The following R3HDM2 variants were observed in gnomAD, a reference collection of about 807,000 sequenced individuals.
The protein encoded by R3HDM2 is R3H domain containing 2.
Under a neutral mutation model 124.5 loss-of-function variants are expected in R3HDM2, and 38 were observed. That is an observed-to-expected ratio of 0.31 (90% CI 0.24 to 0.40). R3HDM2 has a LOEUF of 0.40. Ranked by LOEUF, R3HDM2 falls within the 10% of genes least tolerant of loss-of-function variation. The pLI, the probability that R3HDM2 is intolerant of heterozygous loss-of-function variation, is 1.00. For missense variants in R3HDM2, 869 were observed against 1,236.9 expected, an observed-to-expected ratio of 0.70 and a Z score of 4.46; for synonymous variants, 391 against 448.0, an observed-to-expected ratio of 0.87 and a Z score of 1.61.
chr12:57,259,783 A>G (rs1362554628), intron 19 of R3HDM2, among the ~76,000 whole-genome samples: 1 of 152,202 alleles, frequency 6.6e-6, no homozygotes, highest in Non-Finnish European at 1.5e-5. Context: ...GCCCTGATAG[A>G]ATGGACAGTC....
intron 2 of R3HDM2, among the ~76,000 whole-genome samples, chr12:57,345,799 TC>T (rs1368836434): frequency 6.6e-6 from 1 of 152,122 alleles, no homozygotes; most frequent in African/African-American, 2.4e-5. Context: ...CACTTCAGCC[TC>T]CCAAGTAACT....
intron 12 of R3HDM2, among the ~76,000 whole-genome samples, chr12:57,286,609 C>T (rs542114172): frequency 5.9e-5 from 9 of 152,222 alleles, no homozygotes; most frequent in East Asian, 1.9e-4. Context: ...GGGCCAGGCG[C>T]GGTGGCTCAC....
chr12:57,310,607 G>T lies in R3HDM2; in HGVS notation c.-35-144C>A, dbSNP rs1232081702. 18 of 375,630 alleles carry T rather than the reference G, an allele frequency of 4.8e-5. No homozygotes were observed. In the Admixed American group the frequency reaches 7.6e-4, roughly 16 times the overall value. 23.3% of individuals were successfully genotyped at this position (375,630 alleles called of 1,614,324 possible). ...GTTATTTAATAAATGCTGTCCCTGGGTTCATTTCTTTAAAAAAAAAAAACT... is the reference window on the plus strand; with the variant it reads ...GTTATTTAATAAATGCTGTCCCTGGTTTCATTTCTTTAAAAAAAAAAAACT... On this transcript the variant is annotated intron_variant, in intron 2 of 23. Transcript: ENST00000402412.
chr12:57,409,016 T>G (rs1407416215), intron 1 of R3HDM2, among the ~76,000 whole-genome samples: 1 of 152,222 alleles, frequency 6.6e-6, no homozygotes, highest in Non-Finnish European at 1.5e-5. Context: ...TAAATTATAC[T>G]GCATATTGTT....
At chr12:57,272,536 G>A in intron 14 of R3HDM2, 4 of 1,544,690 alleles carry the variant, frequency 2.6e-6, no homozygotes, top group African/African-American at 1.4e-5. Context: ...TGCGGAGAGG[G>A]CTGCAGAGCC....
chr12:57,300,132 G>A lies in R3HDM2; in HGVS notation c.257C>T (p.Ser86Phe), dbSNP rs2050794534. The change falls in exon 5 of 24, where the codon TCC (serine) becomes TTC (phenylalanine). Residue 86 changes from serine (S) to phenylalanine (F), a missense_variant. By Grantham distance (155) the Ser-to-Phe change is radical. This residue lies in a region of R3HDM2 where 267 missense variants were observed against 447.7 expected (regional missense o/e 0.60). Transcript: ENST00000402412. ...TGGCCCATCAGCAAATGGGGTGGAG[G>A]ACTCCTCACACACTGCCAGGCTACG... ...LVRSLAVCEE[S>F]STPFADGPLE... is the part of the protein sequence containing the mutation. 2 of 1,551,590 alleles carry A rather than the reference G, an allele frequency of 1.3e-6. No homozygotes were observed. The highest frequency in any genetic ancestry group is 1.7e-6 in the Non-Finnish European group (2 of 1,146,918).
intron 1 of R3HDM2, among the ~76,000 whole-genome samples, chr12:57,418,635 C>T (rs1034003480): frequency 1.3e-5 from 2 of 151,632 alleles, no homozygotes; most frequent in East Asian, 1.9e-4. Flanking sequence ...CTCAGCTCAC[C>T]GCAACCTCTG....
intron 2 of R3HDM2, among the ~76,000 whole-genome samples, chr12:57,338,428 C>T (rs2059141549): frequency 6.6e-6 from 1 of 152,232 alleles, no homozygotes; most frequent in South Asian, 2.1e-4. Flanking sequence ...TGAGATATCT[C>T]TTTCTAAACT....
chr12:57,361,048 C>CAAAAA (rs35437591), intron 2 of R3HDM2, among the ~76,000 whole-genome samples: 12 of 60,014 alleles, frequency 2.0e-4, no homozygotes, highest in African/African-American at 7.1e-4. Flanking sequence ...AGACACGTCT[C>CAAAAA]AAAAAAAAAA....
At chr12:57,297,412 A>G (rs763069622) in intron 7 of R3HDM2, 25 bp from the exon 8 acceptor site, 8 of 1,411,870 alleles carry the variant, frequency 5.7e-6, no homozygotes, top group Non-Finnish European at 7.8e-6. Flanking sequence ...TTAAAACAAA[A>G]CAAAACAAAA....
chr12:57,366,930 G>A (rs1330240063), intron 2 of R3HDM2, among the ~76,000 whole-genome samples: 2 of 151,920 alleles, frequency 1.3e-5, no homozygotes, highest in Admixed American at 6.6e-5. Flanking sequence ...CTCATGATCC[G>A]CCCGCCTTTG....
At chr12:57,323,669 GC>G (rs1476143627) in intron 2 of R3HDM2, among the ~76,000 whole-genome samples, 1 of 152,158 alleles carries the variant, frequency 6.6e-6, no homozygotes, top group Non-Finnish European at 1.5e-5. Context: ...CTCTTTATTT[GC>G]TCAGTATCTG....
intron 2 of R3HDM2, among the ~76,000 whole-genome samples, chr12:57,371,082 A>ATTTTTTTTT (rs1491062795): frequency 9.8e-5 from 5 of 50,802 alleles, no homozygotes; most frequent in African/African-American, 1.3e-4. Context: ...ATATACCATT[A>ATTTTTTTTT]CTTTTTTTTT....
In R3HDM2 at chr12:57,330,694, CTTTTTT is replaced by C. The variant is rs10571548; in HGVS notation, c.-35-20237_-35-20232del. Among the ~76,000 whole-genome samples the C allele has an allele frequency of 3.8e-4, 27 of 70,746 alleles. No individual in the cohort carries two copies. In the Admixed American group the frequency reaches 5.3e-3, roughly 14 times the overall value. The allele number at this position is 70,746 out of a possible 152,430, so 46.4% of individuals were successfully genotyped here. The stretch of plus-strand genomic sequence containing the variant: ...TTTTTGTGGCATCTTTAGGGCTTTT[CTTTTTT>C]TTTTTTTTTTTTTTTTGAGACGGAG... On this transcript the variant is annotated intron_variant, in intron 2 of 23. Transcript: ENST00000402412.
At chr12:57,323,129 C>T (rs1484695106) in intron 2 of R3HDM2, among the ~76,000 whole-genome samples, 3 of 152,144 alleles carry the variant, frequency 2.0e-5, no homozygotes, top group Non-Finnish European at 2.9e-5. Flanking sequence ...CCATACACTA[C>T]AGGCAAGGAG....
chr12:57,342,984 G>T (rs1204562836), intron 2 of R3HDM2, among the ~76,000 whole-genome samples: 3 of 152,118 alleles, frequency 2.0e-5, no homozygotes, highest in African/African-American at 7.2e-5. Flanking sequence ...GCTATAAAAT[G>T]AGGGAATAAG....
intron 14 of R3HDM2, among the ~76,000 whole-genome samples, chr12:57,271,852 GT>G (rs1264903321): frequency 1.3e-5 from 2 of 151,786 alleles, no homozygotes; most frequent in Non-Finnish European, 2.9e-5. Flanking sequence ...CAGGGGAACA[GT>G]TTAAGTTTTT....
intron 11 of R3HDM2, 28 bp downstream of exon 11, chr12:57,292,544 G>T: frequency 1.4e-6 from 2 of 1,442,780 alleles, no homozygotes; most frequent in Non-Finnish European, 1.9e-6. Context: ...AAAGCTATGG[G>T]CTGACAACTC....
At chr12:57,297,984 G>T in intron 7 of R3HDM2, 106 bp downstream of exon 7, 1 of 768,544 alleles carries the variant, frequency 1.3e-6, no homozygotes, top group South Asian at 1.5e-5. Context: ...ACAGGAAGAT[G>T]AGCATCCTAG....
Sources: allele counts gnomAD v4.1 joint callset (sites outside exome capture counted in the v4.1 genomes callset), GRCh38; gene constraint gnomAD v4.1.1; regional missense constraint gnomAD v4.1.1; transcripts MANE v1.5; gene names NCBI Gene and HGNC (gene_info 2026-07-23, HGNC 2026-07-21).